TRAPPC9: variants seen among roughly 807,000 people sequenced by gnomAD.
TRAPPC9 encodes trafficking protein particle complex subunit 9.
In TRAPPC9, 83 loss-of-function variants were observed where a neutral mutation model predicts 124.0. The ratio of observed to expected loss-of-function variants is 0.67; its 90% CI spans 0.56 to 0.80. The LOEUF (loss-of-function observed/expected upper bound fraction) is 0.80, where lower values mean the gene tolerates loss of function less well. Ranked by LOEUF, TRAPPC9 falls within the 30% of genes least tolerant of loss-of-function variation. The pLI, the probability that TRAPPC9 is intolerant of heterozygous loss-of-function variation, is 0.00. For missense variants in TRAPPC9, 1,302 were observed against 1,508.3 expected (o/e 0.86, Z 2.27); for synonymous variants, 638 against 617.5 (o/e 1.03, Z -0.49).
chr8:140,305,395 G>A (rs982452835), intron 10 of TRAPPC9, among the ~76,000 whole-genome samples: 8 of 152,078 alleles, frequency 5.3e-5, no homozygotes, highest in Admixed American at 2.6e-4. Flanking sequence ...CCGCCTCCTG[G>A]GTTCAAACAA....
intron 15 of TRAPPC9, among the ~76,000 whole-genome samples, chr8:140,254,786 G>A (rs1193259248): frequency 6.6e-6 from 1 of 152,150 alleles, no homozygotes; most frequent in Non-Finnish European, 1.5e-5. Flanking sequence ...ACTTATCCAT[G>A]GTCACCAACT....
chr8:139,837,407 G>C (rs1251228638), intron 21 of TRAPPC9, among the ~76,000 whole-genome samples: 1 of 152,150 alleles, frequency 6.6e-6, no homozygotes, highest in African/African-American at 2.4e-5. Context: ...TCCTCCCATA[G>C]CCATCTGTCC....
intron 19 of TRAPPC9, among the ~76,000 whole-genome samples, chr8:139,938,151 C>A (rs1210262651): frequency 6.6e-6 from 1 of 152,218 alleles, no homozygotes; most frequent in African/African-American, 2.4e-5. Context: ...AAAGCAGCAG[C>A]CTCTCTCCAC....
In TRAPPC9 at chr8:140,213,795, G is replaced by A. The variant is rs147301202; in HGVS notation, c.2556+7664C>T. ...CCCCGCCTCCTGGCAAACTAGTTTCGTTAGGATTTCAAAACTGCTTTCCAG... is the reference window on the plus strand; with the variant it reads ...CCCCGCCTCCTGGCAAACTAGTTTCATTAGGATTTCAAAACTGCTTTCCAG... On this transcript the variant is annotated intron_variant, in intron 17 of 22. Coordinates refer to ENST00000438773, the MANE Select transcript of TRAPPC9 (RefSeq NM_001160372.4). Among the ~76,000 whole-genome samples, 231 of 152,360 alleles carry A rather than the reference G, an allele frequency of 1.5e-3. 3 individuals are homozygous for A. Among genetic ancestry groups the A allele is most frequent in the East Asian group, 6.9e-3 (36 of 5,190 alleles).
At chr8:139,819,323 A>G (rs140605353) in intron 21 of TRAPPC9, among the ~76,000 whole-genome samples, 13 of 152,322 alleles carry the variant, frequency 8.5e-5, no homozygotes, top group African/African-American at 3.1e-4. Context: ...TGAGTTATAT[A>G]ATTATTTCAT....
At chr8:140,394,419 G>A (rs1009875776) in intron 7 of TRAPPC9, among the ~76,000 whole-genome samples, 1 of 152,150 alleles carries the variant, frequency 6.6e-6, no homozygotes, top group Non-Finnish European at 1.5e-5. Flanking sequence ...AGGTGTCAAG[G>A]CCAGTCCTTC....
intron 4 of TRAPPC9, among the ~76,000 whole-genome samples, chr8:140,431,394 T>C (rs939530947): frequency 6.6e-6 from 1 of 151,830 alleles, no homozygotes; most frequent in African/African-American, 2.4e-5. Context: ...GAGACAGAGG[T>C]TGCAGTGAGC....
At chr8:140,294,552 G>A (rs888463615) in intron 11 of TRAPPC9, among the ~76,000 whole-genome samples, 2 of 152,048 alleles carry the variant, frequency 1.3e-5, no homozygotes, top group Non-Finnish European at 1.5e-5. Context: ...GATGGTCCAT[G>A]TCTACTAAAG....
At chr8:140,443,106 C>G (rs2071089726) in intron 2 of TRAPPC9, among the ~76,000 whole-genome samples, 1 of 122,654 alleles carries the variant, frequency 8.2e-6, no homozygotes. Flanking sequence ...GCACTCTGGC[C>G]TGGCAACGGA....
Position 140,087,278 on chromosome 8 carries a change from A to G in TRAPPC9, c.2557-63199T>C, listed in dbSNP as rs1010661373. 6.6e-6 allele frequency among the ~76,000 whole-genome samples: 1 copy of G among 151,710 alleles called. No homozygotes were observed. The highest frequency in any genetic ancestry group is 2.0e-4 in the East Asian group (1 of 5,126). On this transcript the variant is annotated intron_variant, in intron 17 of 22. Coordinates refer to ENST00000438773, the MANE Select transcript of TRAPPC9 (RefSeq NM_001160372.4). The surrounding 1 kb of genome is among the most constrained non-coding windows in gnomAD (Gnocchi z 4.6). ...TCCCCCCGGCCCCATCACCCTGCAGATGTCGGGGTGCCTCGAAAGCACAGC... is the reference window on the plus strand; with the variant it reads ...TCCCCCCGGCCCCATCACCCTGCAGGTGTCGGGGTGCCTCGAAAGCACAGC...
chr8:140,342,324 T>G (rs992815497), intron 9 of TRAPPC9, among the ~76,000 whole-genome samples: 2 of 152,222 alleles, frequency 1.3e-5, no homozygotes, highest in Admixed American at 1.3e-4. Flanking sequence ...CTATAACTAG[T>G]ATATCCACTA....
intron 17 of TRAPPC9, among the ~76,000 whole-genome samples, chr8:140,159,677 A>T (rs1300395107): frequency 6.6e-6 from 1 of 152,218 alleles, no homozygotes; most frequent in Admixed American, 6.5e-5. Flanking sequence ...TACATGTAAA[A>T]GAGGAGCAAA....
At chr8:140,296,124 T>C (rs1016652385) in intron 11 of TRAPPC9, among the ~76,000 whole-genome samples, 2 of 152,338 alleles carry the variant, frequency 1.3e-5, no homozygotes, top group Middle Eastern at 3.4e-3. Flanking sequence ...TCAGTCTTAA[T>C]TTTCTTATTT....
At chr8:140,233,669 T>C (rs1257751756) in intron 16 of TRAPPC9, among the ~76,000 whole-genome samples, 10 of 59,666 alleles carry the variant, frequency 1.7e-4, no homozygotes, top group African/African-American at 3.4e-4. Flanking sequence ...ACCCTCTCTC[T>C]CCCCTACCAC....
chr8:140,147,643 G>A (rs1322877503), intron 17 of TRAPPC9, among the ~76,000 whole-genome samples: 1 of 152,176 alleles, frequency 6.6e-6, no homozygotes, highest in Non-Finnish European at 1.5e-5. Flanking sequence ...CATCACTCTG[G>A]CTTCAATGAG....
At chr8:140,155,976 G>T (rs898685603) in intron 17 of TRAPPC9, among the ~76,000 whole-genome samples, 2 of 152,144 alleles carry the variant, frequency 1.3e-5, no homozygotes, top group Non-Finnish European at 2.9e-5. Context: ...CACATGGAGG[G>T]GAAGGGAGTG....
chr8:140,364,678 G>T lies in TRAPPC9; in HGVS notation c.1352-4485C>A, dbSNP rs536125345. On this transcript the variant is annotated intron_variant, in intron 8 of 22. Coordinates refer to ENST00000438773, the MANE Select transcript of TRAPPC9 (RefSeq NM_001160372.4). ...TCACTGCAACCCTTCTACCTCCCAGGTTCAAGTGATTCTCCTGCCTCAACC... is the reference window on the plus strand; with the variant it reads ...TCACTGCAACCCTTCTACCTCCCAGTTTCAAGTGATTCTCCTGCCTCAACC... Among the ~76,000 whole-genome samples, 72 of 152,086 alleles carry T rather than the reference G, an allele frequency of 4.7e-4. 2 individuals are homozygous for T. The highest frequency in any genetic ancestry group is 6.0e-4 in the Non-Finnish European group (41 of 67,980).
At chr8:140,259,171 G>A (rs909961486) in intron 15 of TRAPPC9, among the ~76,000 whole-genome samples, 5 of 152,098 alleles carry the variant, frequency 3.3e-5, no homozygotes, top group East Asian at 1.9e-4. Context: ...CTAGTTACCC[G>A]CCTGCACACA....
At chr8:139,787,629 A>G (rs1014129418) in intron 21 of TRAPPC9, among the ~76,000 whole-genome samples, 2 of 152,198 alleles carry the variant, frequency 1.3e-5, no homozygotes, top group African/African-American at 2.4e-5. Context: ...TTCTTTCTAC[A>G]TGGTTATTAG....
Sources: allele counts gnomAD v4.1 joint callset (sites outside exome capture counted in the v4.1 genomes callset), GRCh38; gene constraint gnomAD v4.1.1; non-coding constraint Gnocchi (gnomAD v3.1); transcripts MANE v1.5; gene names NCBI Gene and HGNC (gene_info 2026-07-23, HGNC 2026-07-21).